Variants in PRKCI observed in about 807,000 individuals in gnomAD.
PRKCI encodes protein kinase C iota.
A neutral mutation model predicts 84.0 loss-of-function variants in PRKCI; 43 were observed. The ratio of observed to expected loss-of-function variants is 0.51; its 90% CI spans 0.40 to 0.66. The LOEUF (loss-of-function observed/expected upper bound fraction) is 0.66, where lower values mean the gene tolerates loss of function less well. Among genes scored for constraint, PRKCI ranks in the 30% least tolerant of loss-of-function variants. The probability of loss-of-function intolerance (pLI) is 0.00; values close to 1 mark genes in which losing one functional copy is unlikely to be tolerated. For synonymous variants in PRKCI, 216 were observed against 234.4 expected (o/e 0.92, Z 0.72); for missense variants, 459 against 745.6 (o/e 0.62, Z 4.48).
chr3:170,279,379 C>G (rs1194528039), intron 8 of PRKCI, among the ~76,000 whole-genome samples: 1 of 152,180 alleles, frequency 6.6e-6, no homozygotes, highest in Non-Finnish European at 1.5e-5. Flanking sequence ...CTCAGTTTTT[C>G]TAATACCCTT....
intron 2 of PRKCI, among the ~76,000 whole-genome samples, chr3:170,239,541 A>G (rs747178796): frequency 5.3e-5 from 8 of 152,158 alleles, no homozygotes; most frequent in Non-Finnish European, 8.8e-5. Context: ...TATTAGACGT[A>G]CTTAGTTTAG....
intron 17 of PRKCI, 133 bp downstream of exon 17, chr3:170,299,243 T>C (rs137917793): frequency 6.8e-6 from 3 of 444,184 alleles, no homozygotes; most frequent in East Asian, 4.5e-5. Flanking sequence ...TTATTTTATT[T>C]TGAGATGGAG....
At chr3:170,281,071 A>G in intron 9 of PRKCI, 95 bp from the exon 10 acceptor site, 1 of 953,654 alleles carries the variant, frequency 1.0e-6, no homozygotes, top group Non-Finnish European at 1.6e-6. Context: ...TAGCCTAGTT[A>G]ACCATTGCAT....
chr3:170,235,865 T>C (rs545862476), intron 2 of PRKCI, among the ~76,000 whole-genome samples: 1 of 151,966 alleles, frequency 6.6e-6, no homozygotes, highest in South Asian at 2.1e-4. Context: ...GTGCCCAGCC[T>C]AACTTGACTT....
At chr3:170,277,086 CA>C (rs36053479) in intron 8 of PRKCI, among the ~76,000 whole-genome samples, 8,296 of 128,286 alleles carry the variant, frequency 0.065, 396 homozygotes, top group African/African-American at 0.15. Flanking sequence ...ACTAAAAATA[CA>C]AAAAAAAAAA....
intron 4 of PRKCI, among the ~76,000 whole-genome samples, chr3:170,265,406 A>T (rs907367703): frequency 6.6e-6 from 1 of 152,174 alleles, no homozygotes; most frequent in East Asian, 1.9e-4. Context: ...ATGAACTAAG[A>T]GTGTCCAACT....
At chr3:170,246,942 C>T (rs1177161990) in intron 2 of PRKCI, among the ~76,000 whole-genome samples, 1 of 152,108 alleles carries the variant, frequency 6.6e-6, no homozygotes, top group Middle Eastern at 3.2e-3. Context: ...TAAATAACTC[C>T]AGGTTGGAAG....
intron 16 of PRKCI, 124 bp downstream of exon 16, chr3:170,297,517 CG>C: frequency 1.4e-6 from 1 of 738,650 alleles, no homozygotes; most frequent in Non-Finnish European, 2.3e-6. Context: ...TACAATGGCA[CG>C]ATCTCAGCTC....
intron 15 of PRKCI, among the ~76,000 whole-genome samples, 172 bp from the exon 16 acceptor site, chr3:170,297,132 A>G (rs1280525086): frequency 6.6e-6 from 1 of 152,232 alleles, no homozygotes; most frequent in Non-Finnish European, 1.5e-5. Flanking sequence ...AGGAATCACA[A>G]GTTTCAAATA....
rs549880568 is a variant in PRKCI at position 170,266,353 on chromosome 3, T to C, written c.365-1562T>C. On this transcript the variant is annotated intron_variant, in intron 4 of 17. Transcript: ENST00000295797. ...GAAGAGATCTAGCAGTCACTACCTT[T>C]AATGGTTATTGAACATCAGTAGTGG... Among the ~76,000 whole-genome samples, 161 of 152,320 alleles carry C rather than the reference T, an allele frequency of 1.1e-3. 1 individual carries two copies. Among genetic ancestry groups the C allele is most frequent in the African/African-American group, 3.4e-3 (142 of 41,578 alleles).
At chr3:170,227,496 T>A (rs565435478) in intron 1 of PRKCI, among the ~76,000 whole-genome samples, 15 of 152,298 alleles carry the variant, frequency 9.8e-5, no homozygotes, top group Middle Eastern at 3.4e-3. Flanking sequence ...ATGGAAGCCT[T>A]CCTAGAGGAA....
intron 2 of PRKCI, among the ~76,000 whole-genome samples, chr3:170,243,604 G>T (rs1733191802): frequency 6.6e-6 from 1 of 152,138 alleles, no homozygotes; most frequent in Non-Finnish European, 1.5e-5. Context: ...ATTTTGAAAA[G>T]GAGATGAGAT....
chr3:170,277,139 C>T (rs1734135905), intron 8 of PRKCI, among the ~76,000 whole-genome samples: 1 of 150,524 alleles, frequency 6.6e-6, no homozygotes, highest in Non-Finnish European at 1.5e-5. Context: ...ATACTAGCTA[C>T]TTAAGAGGTT....
chr3:170,287,928 AAAG>A (rs1221057623), intron 12 of PRKCI, among the ~76,000 whole-genome samples: 4 of 151,004 alleles, frequency 2.6e-5, no homozygotes, highest in Non-Finnish European at 5.9e-5. Flanking sequence ...AAAAAAAAAA[AAAG>A]AAAATCACAA....
intron 11 of PRKCI, among the ~76,000 whole-genome samples, chr3:170,282,533 C>T (rs1287253161): frequency 6.6e-6 from 1 of 151,196 alleles, no homozygotes; most frequent in Non-Finnish European, 1.5e-5. Flanking sequence ...CCTGTCTCTA[C>T]TAAAAATACA....
intron 1 of PRKCI, among the ~76,000 whole-genome samples, chr3:170,232,748 G>T (rs1272081418): frequency 2.0e-5 from 3 of 151,784 alleles, no homozygotes; most frequent in African/African-American, 7.3e-5. Context: ...GTCTTGTTCT[G>T]TCACTGAGGC....
chr3:170,270,575 C>CTTTTT lies in PRKCI; in HGVS notation c.591+14_591+15insTTTTT. ...TCTTTGCCACAGGTAAGATGTCTGT[C>CTTTTT]CTTTTTTTTTTTTTTTTTTTTAAGA... On this transcript the variant is annotated intron_variant, in intron 6 of 17. Transcript: ENST00000295797. The CTTTTT allele has an allele frequency of 7.1e-7, 1 of 1,415,116 alleles. No homozygotes were observed. The highest frequency in any genetic ancestry group is 2.0e-5 in the African/African-American group (1 of 48,850). 87.7% of individuals were successfully genotyped at this position (1,415,116 alleles called of 1,614,324 possible).
At chr3:170,252,285 A>C (rs1028579715) in intron 2 of PRKCI, among the ~76,000 whole-genome samples, 1 of 150,812 alleles carries the variant, frequency 6.6e-6, no homozygotes, top group Non-Finnish European at 1.5e-5. Flanking sequence ...ACTCTTTTGG[A>C]GGACAGTTGG....
intron 2 of PRKCI, among the ~76,000 whole-genome samples, chr3:170,250,864 A>G (rs1195817351): frequency 6.6e-6 from 1 of 152,164 alleles, no homozygotes; most frequent in Non-Finnish European, 1.5e-5. Flanking sequence ...GTTATTTATC[A>G]GTGTACTGAG....
Sources: allele counts gnomAD v4.1 joint callset (sites outside exome capture counted in the v4.1 genomes callset), GRCh38; gene constraint gnomAD v4.1.1; transcripts MANE v1.5; gene names NCBI Gene and HGNC (gene_info 2026-07-23, HGNC 2026-07-21).